Variants in DIAPH3 observed in about 807,000 individuals in gnomAD.
DIAPH3 encodes diaphanous related formin 3, also known as protein diaphanous homolog 3.
In DIAPH3, 117 loss-of-function variants were observed where a neutral mutation model predicts 144.3. The ratio of observed to expected loss-of-function variants is 0.81; its 90% CI spans 0.70 to 0.95. The LOEUF (loss-of-function observed/expected upper bound fraction) is 0.95, where lower values mean the gene tolerates loss of function less well. DIAPH3 is among the 40% of genes least tolerant of loss of function. The pLI is 0.00. For missense variants in DIAPH3, 1,421 were observed against 1,412.7 expected (o/e 1.01, Z -0.09); for synonymous variants, 519 against 488.9 (o/e 1.06, Z -0.81).
At chr13:59,783,501 G>A (rs541206197) in intron 25 of DIAPH3, among the ~76,000 whole-genome samples, 1 of 152,226 alleles carries the variant, frequency 6.6e-6, no homozygotes, top group East Asian at 1.9e-4. Flanking sequence ...TGGGAAAGAG[G>A]AATTGGTTAC....
At chr13:59,749,062 T>G (rs534516915) in intron 27 of DIAPH3, among the ~76,000 whole-genome samples, 1 of 150,358 alleles carries the variant, frequency 6.7e-6, no homozygotes, top group East Asian at 2.0e-4. Flanking sequence ...GAGAGTGAGA[T>G]AGTTAGCCAG....
chr13:60,145,380 A>T (rs7320240), intron 1 of DIAPH3, among the ~76,000 whole-genome samples: 50 of 152,256 alleles, frequency 3.3e-4, no homozygotes, highest in African/African-American at 1.2e-3. Flanking sequence ...AACCAGGCGC[A>T]GTGGCTCACG....
At chr13:59,850,992 T>C (rs557805395) in intron 22 of DIAPH3, among the ~76,000 whole-genome samples, 24 of 146,884 alleles carry the variant, frequency 1.6e-4, no homozygotes, top group Middle Eastern at 3.4e-3. Flanking sequence ...TTCCAATCAA[T>C]AGAAAAAGAG....
intron 24 of DIAPH3, among the ~76,000 whole-genome samples, chr13:59,826,316 A>G (rs1472817868): frequency 9.8e-6 from 1 of 102,070 alleles, no homozygotes; most frequent in African/African-American, 3.3e-5. Context: ...TTAAGCTGAT[A>G]AGCAACTTCA....
chr13:60,124,804 T>C (rs1220374499), intron 2 of DIAPH3, among the ~76,000 whole-genome samples: 1 of 151,592 alleles, frequency 6.6e-6, no homozygotes, highest in African/African-American at 2.4e-5. Flanking sequence ...TTTGCACCAC[T>C]GCCCTGGGTG....
At position 59,722,377 on chromosome 13, in the gene DIAPH3, A is replaced by T. The variant is rs187418551; in HGVS notation, c.3319+51812T>A. On this transcript the variant is annotated intron_variant, in intron 27 of 27. Coordinates refer to ENST00000400324, the MANE Select transcript of DIAPH3 (RefSeq NM_001042517.2). ...GGACTGACATTCAACATCCATTTTT[A>T]ACCATCTACTAGAGTGTCTTCCTGT... Among the ~76,000 whole-genome samples, 3 of 152,338 alleles carry T rather than the reference A, an allele frequency of 2.0e-5. No individual in the cohort carries two copies. The East Asian group carries it at 5.8e-4, about 29-fold the overall frequency.
At chr13:59,988,785 G>A (rs541667234) in intron 12 of DIAPH3, among the ~76,000 whole-genome samples, 16 of 151,828 alleles carry the variant, frequency 1.1e-4, no homozygotes, top group East Asian at 7.8e-4. Flanking sequence ...TCTCCCATGC[G>A]CATTTAACTA....
Position 59,839,342 on chromosome 13 carries a change from C to T in DIAPH3, c.2844G>A (p.Lys948=), listed in dbSNP as rs759096255. The change falls in exon 23 of 28, where the codon AAG becomes AAA. Residue 948 remains lysine, a synonymous_variant. Coordinates refer to ENST00000400324, the MANE Select transcript of DIAPH3 (RefSeq NM_001042517.2). ...TFPPPEDLHD[K]FVTKMSRFVI... is the part of the protein sequence containing the mutation. The stretch of plus-strand genomic sequence containing the variant: ...AGGATATGGACATCTTTGTCACAAA[C>T]TTGTCATGCAAGTCCTCAGGAGGGG... The T allele has an allele frequency of 6.2e-7, 1 of 1,613,638 alleles. No individual in the cohort carries two copies. Among genetic ancestry groups the T allele is most frequent in the East Asian group, 2.2e-5 (1 of 44,818 alleles).
At chr13:60,021,019 G>A (rs1230767803) in intron 5 of DIAPH3, 1 of 152,236 alleles carries the variant, frequency 6.6e-6, no homozygotes, top group African/African-American at 2.4e-5. Flanking sequence ...GTAAGAAAGG[G>A]CTTGATCTTG....
intron 17 of DIAPH3, among the ~76,000 whole-genome samples, chr13:59,952,770 G>T (rs1003659030): frequency 1.3e-5 from 2 of 152,054 alleles, no homozygotes; most frequent in Admixed American, 6.6e-5. Context: ...ATTTCCATTT[G>T]CTTAAAATGA....
chr13:60,087,838 T>A (rs1268062436), intron 4 of DIAPH3, among the ~76,000 whole-genome samples: 2 of 151,266 alleles, frequency 1.3e-5, no homozygotes, highest in Non-Finnish European at 2.9e-5. Flanking sequence ...TAATTAAGAA[T>A]CTTAGAAATG....
At chr13:59,968,323 C>A (rs530328465) in intron 17 of DIAPH3, among the ~76,000 whole-genome samples, 3 of 152,164 alleles carry the variant, frequency 2.0e-5, no homozygotes, top group Admixed American at 2.0e-4. Context: ...TTTTTAGGTA[C>A]CACCATTTGT....
At chr13:59,686,764 GA>G (rs1398736825) in intron 27 of DIAPH3, among the ~76,000 whole-genome samples, 1 of 152,070 alleles carries the variant, frequency 6.6e-6, no homozygotes, top group African/African-American at 2.4e-5. Flanking sequence ...ACCAGGGTAA[GA>G]ACATTCTAAA....
At chr13:59,932,399 G>C (rs1051373508) in intron 17 of DIAPH3, among the ~76,000 whole-genome samples, 7 of 151,662 alleles carry the variant, frequency 4.6e-5, no homozygotes, top group African/African-American at 1.7e-4. Flanking sequence ...TAGTATCATT[G>C]TCATCATCAT....
intron 22 of DIAPH3, among the ~76,000 whole-genome samples, chr13:59,850,161 A>G (rs948771753): frequency 6.6e-6 from 1 of 152,146 alleles, no homozygotes; most frequent in African/African-American, 2.4e-5. Context: ...ATTTTTGTAC[A>G]TTGATTTTGT....
chr13:59,998,646 C>A lies in DIAPH3; in HGVS notation c.1015-6063G>T, dbSNP rs150968161. Among the ~76,000 whole-genome samples the A allele has an allele frequency of 3.7e-3, 567 of 152,152 alleles. 2 individuals carry two copies. Among genetic ancestry groups the A allele is most frequent in the African/African-American group, 0.012 (500 of 41,526 alleles). ...AACCATTAGTTTATACTTGGGTATG[C>A]TCCATATGATAATATGAGTTCACAT... On this transcript the variant is annotated intron_variant, in intron 9 of 27. Coordinates refer to ENST00000400324, the MANE Select transcript of DIAPH3 (RefSeq NM_001042517.2).
At chr13:60,091,729 A>C (rs562505380) in intron 4 of DIAPH3, among the ~76,000 whole-genome samples, 1 of 152,346 alleles carries the variant, frequency 6.6e-6, no homozygotes, top group African/African-American at 2.4e-5. Context: ...AACAAAAAAC[A>C]AATTACAAAG....
chr13:59,929,394 C>T (rs1490545462), intron 17 of DIAPH3, among the ~76,000 whole-genome samples: 2 of 151,928 alleles, frequency 1.3e-5, no homozygotes, highest in Non-Finnish European at 2.9e-5. Flanking sequence ...TAATTAGTGT[C>T]TAGATAAGTT....
At chr13:59,725,579 C>A (rs923933752) in intron 27 of DIAPH3, among the ~76,000 whole-genome samples, 1 of 152,156 alleles carries the variant, frequency 6.6e-6, no homozygotes, top group African/African-American at 2.4e-5. Flanking sequence ...TCTGAACTTG[C>A]AGCAAGACTA....
Sources: gnomAD v4.1 joint callset for allele counts (sites outside exome capture counted in the v4.1 genomes callset) on GRCh38, gnomAD v4.1.1 for gene constraint, MANE v1.5 for transcripts, NCBI Gene and HGNC (gene_info 2026-07-23, HGNC 2026-07-21) for gene names.